The following BMAL1 variants were observed in gnomAD, a reference collection of about 807,000 sequenced individuals.
The protein encoded by BMAL1 is basic helix-loop-helix ARNT like 1.
At chr11:13,385,539 T>C in the BMAL1 span, 5 of 597,024 alleles carry the variant, frequency 8.4e-6, no homozygotes, top group Non-Finnish European at 1.5e-5. Context: ...ACTCTGACCA[T>C]GTCTGTCTAA....
the BMAL1 span, among the ~76,000 whole-genome samples, chr11:13,294,865 A>G: frequency 0.063 from 9,641 of 152,008 alleles, 1,044 homozygotes; most frequent in African/African-American, 0.22. Context: ...TTCTCTGTTC[A>G]TGTTCACAAT....
the BMAL1 span, among the ~76,000 whole-genome samples, chr11:13,382,107 T>G: frequency 4.6e-5 from 7 of 152,114 alleles, no homozygotes; most frequent in African/African-American, 1.7e-4. Flanking sequence ...AGCTGTGGTG[T>G]TACCAGGTGG....
chr11:13,322,534 A>G, the BMAL1 span, among the ~76,000 whole-genome samples: 2 of 152,204 alleles, frequency 1.3e-5, no homozygotes, highest in Non-Finnish European at 2.9e-5. Flanking sequence ...CTTTGCAAAG[A>G]GGAAAACTCC....
the BMAL1 span, among the ~76,000 whole-genome samples, chr11:13,319,007 CT>C: frequency 6.6e-6 from 1 of 152,148 alleles, no homozygotes; most frequent in Non-Finnish European, 1.5e-5. Flanking sequence ...TACTCCTGGA[CT>C]TTTGCATTTG....
At chr11:13,331,329 A>T in the BMAL1 span, among the ~76,000 whole-genome samples, 1 of 152,206 alleles carries the variant, frequency 6.6e-6, no homozygotes, top group African/African-American at 2.4e-5. Flanking sequence ...CCCACTTGGG[A>T]AAAGCTTATA....
the BMAL1 span, among the ~76,000 whole-genome samples, chr11:13,290,359 G>A: frequency 6.6e-6 from 1 of 152,190 alleles, no homozygotes; most frequent in Admixed American, 6.5e-5. Flanking sequence ...AGAAAAACAA[G>A]TGTCAGAATC....
the BMAL1 span, chr11:13,375,596 T>C: frequency 1.2e-4 from 190 of 1,548,784 alleles, no homozygotes; most frequent in African/African-American, 2.3e-3. Flanking sequence ...TGTCCATGTT[T>C]TCTTTACATT....
chr11:13,386,521 G>A, the BMAL1 span: 66 of 1,374,038 alleles, frequency 4.8e-5, no homozygotes, highest in Non-Finnish European at 8.8e-6. Flanking sequence ...TTAAAAATGT[G>A]CTTAGGAATT....
At chr11:13,297,702 T>C in the BMAL1 span, among the ~76,000 whole-genome samples, 1 of 152,340 alleles carries the variant, frequency 6.6e-6, no homozygotes, top group Admixed American at 6.5e-5. Context: ...CTTCATGGCC[T>C]ATGCTGTTCA....
chr11:13,373,651 C>A, the BMAL1 span, among the ~76,000 whole-genome samples: 1 of 152,100 alleles, frequency 6.6e-6, no homozygotes, highest in Non-Finnish European at 1.5e-5. Context: ...TGACCATAGG[C>A]ATGTGCCACC....
chr11:13,356,175 G>T, the BMAL1 span: 11 of 433,962 alleles, frequency 2.5e-5, no homozygotes, highest in South Asian at 1.8e-4. Flanking sequence ...AAATCTAGGG[G>T]TTCCCACCTA....
the BMAL1 span, among the ~76,000 whole-genome samples, chr11:13,362,894 G>A: frequency 6.6e-6 from 1 of 151,728 alleles, no homozygotes; most frequent in Non-Finnish European, 1.5e-5. Context: ...TTTTGTACTG[G>A]GCCCCACAAA....
chr11:13,377,049 G>A, the BMAL1 span, among the ~76,000 whole-genome samples: 4 of 152,222 alleles, frequency 2.6e-5, no homozygotes, highest in African/African-American at 7.2e-5. Flanking sequence ...GTGCTCTTTC[G>A]TGACTGTCAC....
the BMAL1 span, among the ~76,000 whole-genome samples, chr11:13,371,807 G>A: frequency 5.1e-3 from 774 of 152,196 alleles, 9 homozygotes; most frequent in African/African-American, 0.017. Flanking sequence ...GCCTGTGTAC[G>A]TCATCAGCCT....
At chr11:13,321,944 C>T in the BMAL1 span, among the ~76,000 whole-genome samples, 2 of 152,160 alleles carry the variant, frequency 1.3e-5, no homozygotes, top group Non-Finnish European at 2.9e-5. Context: ...CTCTCCAGAA[C>T]TACTAGATTG....
the BMAL1 span, among the ~76,000 whole-genome samples, chr11:13,370,398 C>T: frequency 3.3e-5 from 5 of 152,188 alleles, no homozygotes; most frequent in Non-Finnish European, 7.3e-5. Flanking sequence ...AAATATACTG[C>T]TTACTAAATC....
chr11:13,373,353 C>A, the BMAL1 span, among the ~76,000 whole-genome samples: 11 of 152,310 alleles, frequency 7.2e-5, no homozygotes, highest in East Asian at 1.7e-3. Context: ...CTAGAGACAG[C>A]CACAACATGC....
At chr11:13,283,226 G>T in the BMAL1 span, among the ~76,000 whole-genome samples, 1 of 152,178 alleles carries the variant, frequency 6.6e-6, no homozygotes, top group Admixed American at 6.5e-5. Context: ...TCTACCCACT[G>T]GGTTTTGTGC....
chr11:13,352,629 G>C, the BMAL1 span, among the ~76,000 whole-genome samples: 1 of 152,198 alleles, frequency 6.6e-6, no homozygotes, highest in South Asian at 2.1e-4. Context: ...CCCACCTTTA[G>C]AAATTTATTC....
Sources: gnomAD v4.1 joint callset for allele counts (sites outside exome capture counted in the v4.1 genomes callset) on GRCh38, gnomAD v4.1.1 for gene constraint, MANE v1.5 for transcripts, NCBI Gene and HGNC (gene_info 2026-07-23, HGNC 2026-07-21) for gene names.